The following EPS15L1 variants were observed in gnomAD, a reference collection of about 807,000 sequenced individuals.
The protein encoded by EPS15L1 is epidermal growth factor receptor pathway substrate 15 like 1.
EPS15L1 carries 43 observed loss-of-function variants against 117.1 expected under a neutral mutation model. The ratio of observed to expected loss-of-function variants is 0.37; its 90% CI spans 0.29 to 0.47. The LOEUF (loss-of-function observed/expected upper bound fraction) is 0.47. EPS15L1 is among the 20% of genes least tolerant of loss of function. The pLI, the probability that EPS15L1 is intolerant of heterozygous loss-of-function variation, is 0.99. For missense variants in EPS15L1, 981 were observed against 1,164.0 expected (o/e 0.84, Z 2.29); for synonymous variants, 459 against 470.5 (o/e 0.98, Z 0.32).
chr19:16,420,048 C>T (rs1297507253), intron 10 of EPS15L1, among the ~76,000 whole-genome samples: 1 of 152,264 alleles, frequency 6.6e-6, no homozygotes, highest in Non-Finnish European at 1.5e-5. Flanking sequence ...GAAAAAGCCT[C>T]TGTCTTCATG....
intron 1 of EPS15L1, among the ~76,000 whole-genome samples, chr19:16,467,446 G>A (rs117196542): frequency 0.045 from 6,812 of 152,018 alleles, 217 homozygotes; most frequent in South Asian, 0.063. Context: ...CACTGCACCC[G>A]GCCTGGAAAG....
chr19:16,470,209 C>T (rs886269115), intron 1 of EPS15L1, among the ~76,000 whole-genome samples: 3 of 151,428 alleles, frequency 2.0e-5, no homozygotes, highest in African/African-American at 7.3e-5. Context: ...TGGTGAAACC[C>T]CGTCTCCACT....
chr19:16,457,867 G>C (rs10401355), intron 1 of EPS15L1, among the ~76,000 whole-genome samples: 13 of 151,864 alleles, frequency 8.6e-5, no homozygotes, highest in African/African-American at 2.2e-4. Flanking sequence ...CCAAGACTGG[G>C]GGGGAGGGGG....
At chr19:16,434,551 G>C (rs986362325) in intron 6 of EPS15L1, 61 bp from the exon 7 acceptor site, 2 of 1,558,824 alleles carry the variant, frequency 1.3e-6, no homozygotes, top group South Asian at 1.2e-5. Flanking sequence ...TGTCCAGACC[G>C]AGCTCTGACC....
Position 16,371,314 on chromosome 19 carries a change from G to A in EPS15L1, c.2380+5808C>T, listed in dbSNP as rs977272858. On this transcript the variant is annotated intron_variant, in intron 22 of 23. Coordinates refer to ENST00000455140, the MANE Select transcript of EPS15L1 (RefSeq NM_001258374.3). This position sits in a 1 kb window ranked among gnomAD's most constrained non-coding sequence, Gnocchi z 4.7. The stretch of plus-strand genomic sequence containing the variant: ...CCCGGCAGGGAGGTCAAGAACTCAC[G>A]GCCACCCTGGGTGGATGCCACACAC... 1.3e-5 allele frequency among the ~76,000 whole-genome samples: 2 copies of A among 152,236 alleles called. No homozygotes were observed. Among genetic ancestry groups the A allele is most frequent in the African/African-American group, 4.8e-5 (2 of 41,544 alleles).
chr19:16,364,652 G>A (rs1430939069), intron 22 of EPS15L1, among the ~76,000 whole-genome samples: 1 of 152,316 alleles, frequency 6.6e-6, no homozygotes, highest in South Asian at 2.1e-4. Flanking sequence ...CAGGTCTCCC[G>A]GAGTTGCCCC....
intron 6 of EPS15L1, chr19:16,435,312 C>T (rs2092968358): frequency 6.6e-6 from 1 of 152,100 alleles, no homozygotes; most frequent in African/African-American, 2.4e-5. Flanking sequence ...AGGAATAGCT[C>T]TTCATGAACA....
At position 16,418,091 on chromosome 19, in the gene EPS15L1, T is replaced by C. The variant is rs1345406275; in HGVS notation, c.964A>G (p.Thr322Ala). Residue 322 changes from threonine to alanine, a missense_variant, in exon 11 of 24, where the codon ACG (threonine) becomes GCG (alanine). Coordinates refer to ENST00000455140, the MANE Select transcript of EPS15L1 (RefSeq NM_001258374.3). ...TTGCTTAACTTCCCCGTTTGCCTCG[T>C]ATCGGCCAGGGCCCTGGGAGAAACG... ...LLAHIWALAD[T>A]RQTGKLSKDQ... 1 of 1,613,618 alleles carries C rather than the reference T, an allele frequency of 6.2e-7. No individual in the cohort carries two copies. The highest frequency in any genetic ancestry group is 2.2e-5 in the East Asian group (1 of 44,894).
chr19:16,393,678 TAAATAAATAAATA>T (rs1422379654), intron 18 of EPS15L1, among the ~76,000 whole-genome samples: 3 of 149,158 alleles, frequency 2.0e-5, no homozygotes, highest in Admixed American at 1.3e-4. Flanking sequence ...AATAAATAAA[TAAATAAATAAATA>T]AAATAAATAA....
chr19:16,364,481 C>T (rs957383915), intron 22 of EPS15L1, among the ~76,000 whole-genome samples: 6 of 152,216 alleles, frequency 3.9e-5, no homozygotes, highest in East Asian at 1.9e-4. Flanking sequence ...CCGACCTCCC[C>T]GGGGCTGCAG....
chr19:16,419,508 TGTG>T lies in EPS15L1; in HGVS notation c.951-1407_951-1405del, dbSNP rs559832589. ...GCCAACCAGGAAGGGAAGGGACCCT[TGTG>T]GAGTAAGGACAAGGCCTTTGGCATC... On this transcript the variant is annotated intron_variant, in intron 10 of 23. Coordinates refer to ENST00000455140, the MANE Select transcript of EPS15L1 (RefSeq NM_001258374.3). Among the ~76,000 whole-genome samples, 308 of 151,868 alleles carry T rather than the reference TGTG, an allele frequency of 2.0e-3. 2 individuals carry two copies. The highest frequency in any genetic ancestry group is 7.1e-3 in the African/African-American group (296 of 41,476).
intron 16 of EPS15L1, among the ~76,000 whole-genome samples, chr19:16,397,238 C>T (rs1287055881): frequency 3.3e-5 from 5 of 151,750 alleles, no homozygotes; most frequent in East Asian, 1.9e-4. Context: ...TACAGGCGTG[C>T]ACCACCATGC....
At chr19:16,461,426 G>T (rs575471389) in intron 1 of EPS15L1, among the ~76,000 whole-genome samples, 2 of 151,864 alleles carry the variant, frequency 1.3e-5, no homozygotes, top group Non-Finnish European at 2.9e-5. Flanking sequence ...GTTCGAAACT[G>T]GCCTAGGCAA....
chr19:16,401,125 C>T lies in EPS15L1; in HGVS notation c.1791+1196G>A, dbSNP rs144538184. ...ACGATAAAGCTGATGATGACGGGCCCGGGGGCGGCTATGGAAACCACCTCA... is the reference window on the plus strand; with the variant it reads ...ACGATAAAGCTGATGATGACGGGCCTGGGGGCGGCTATGGAAACCACCTCA... On this transcript the variant is annotated intron_variant, in intron 16 of 23. Coordinates refer to ENST00000455140, the MANE Select transcript of EPS15L1 (RefSeq NM_001258374.3). 101 of 985,244 alleles carry T rather than the reference C, an allele frequency of 1.0e-4. No homozygotes were observed. The East Asian group carries it at 2.4e-3, about 23-fold the overall frequency. 61.0% of individuals were successfully genotyped at this position (985,244 alleles called of 1,614,324 possible).
chr19:16,427,036 G>C (rs754273611), intron 8 of EPS15L1, among the ~76,000 whole-genome samples: 2 of 152,106 alleles, frequency 1.3e-5, no homozygotes, highest in African/African-American at 4.8e-5. Flanking sequence ...ACCCTAAAAT[G>C]GTTCACAGGA....
chr19:16,439,658 T>A (rs1440837863), intron 4 of EPS15L1, among the ~76,000 whole-genome samples: 1 of 151,988 alleles, frequency 6.6e-6, no homozygotes, highest in Non-Finnish European at 1.5e-5. Flanking sequence ...ACCACTGCAC[T>A]CCAGCCTGGG....
In EPS15L1 at chr19:16,453,096, G is replaced by A. The variant is rs565485854; in HGVS notation, c.34-10877C>T. 7.3e-5 allele frequency among the ~76,000 whole-genome samples: 11 copies of A among 151,562 alleles called. No homozygotes were observed. In the East Asian group the frequency reaches 7.8e-4, roughly 11 times the overall value. ...ATTACAGGTGTGAGCCACCGCGCCC[G>A]GGCTTTATTTTATTTTTCATAGAGA... On this transcript the variant is annotated intron_variant, in intron 1 of 23. Transcript: ENST00000455140.
intron 1 of EPS15L1, among the ~76,000 whole-genome samples, chr19:16,469,795 T>G (rs2093332992): frequency 6.6e-6 from 1 of 152,002 alleles, no homozygotes. Context: ...GTCACCTAAA[T>G]CCAACCAGAT....
chr19:16,373,472 C>T (rs1378212621), intron 22 of EPS15L1, among the ~76,000 whole-genome samples: 1 of 148,360 alleles, frequency 6.7e-6, no homozygotes, highest in African/African-American at 2.5e-5. Context: ...AAACGTTGGA[C>T]TTTATGCTTA....
Sources: allele counts gnomAD v4.1 joint callset (sites outside exome capture counted in the v4.1 genomes callset), GRCh38; gene constraint gnomAD v4.1.1; non-coding constraint Gnocchi (gnomAD v3.1); transcripts MANE v1.5; gene names NCBI Gene and HGNC (gene_info 2026-07-23, HGNC 2026-07-21).